Variants in MYO5B observed in about 807,000 individuals in gnomAD.
MYO5B encodes unconventional myosin-Vb.
A neutral mutation model predicts 229.3 loss-of-function variants in MYO5B; 143 were observed. The observed-to-expected ratio is 0.62, with a 90% CI of 0.54 to 0.72. MYO5B has a LOEUF of 0.72. Ranked by LOEUF, MYO5B falls within the 30% of genes least tolerant of loss-of-function variation. MYO5B has a pLI of 0.00. For synonymous variants in MYO5B, 918 were observed against 885.2 expected, an observed-to-expected ratio of 1.04 and a Z score of -0.66; for missense variants, 2,321 against 2,331.0, an observed-to-expected ratio of 1.00 and a Z score of 0.09.
At chr18:50,130,215 C>A (rs1200944749) in intron 1 of MYO5B, among the ~76,000 whole-genome samples, 1 of 152,232 alleles carries the variant, frequency 6.6e-6, no homozygotes, top group African/African-American at 2.4e-5. Context: ...ATTAAAAATA[C>A]ATCAGCCATA....
chr18:49,970,857 T>C (rs1185051765), intron 10 of MYO5B: 1 of 152,190 alleles, frequency 6.6e-6, no homozygotes, highest in East Asian at 1.9e-4. Context: ...AGGGAGGCAA[T>C]GTCTCGTTCT....
intron 8 of MYO5B, among the ~76,000 whole-genome samples, chr18:49,981,931 T>C (rs2025820078): frequency 6.6e-6 from 1 of 152,178 alleles, no homozygotes; most frequent in Non-Finnish European, 1.5e-5. Context: ...TGCACCCTTG[T>C]AGGAGGTAAA....
At chr18:49,834,874 G>A (rs1024836464) in intron 39 of MYO5B, among the ~76,000 whole-genome samples, 2 of 152,120 alleles carry the variant, frequency 1.3e-5, no homozygotes, top group African/African-American at 2.4e-5. Flanking sequence ...TCCTGACCTC[G>A]TGATCCACCC....
Position 49,824,869 on chromosome 18 carries a change from A to G in MYO5B, c.*1602T>C, listed in dbSNP as rs117416432. The G allele has an allele frequency of 1.1e-4, 16 of 152,338 alleles. No individual in the cohort carries two copies. In the East Asian group the frequency reaches 2.9e-3, roughly 28 times the overall value. 9.4% of individuals were successfully genotyped at this position (152,338 alleles called of 1,614,324 possible). On this transcript the variant is annotated 3_prime_UTR_variant, in exon 40 of 40. Transcript: ENST00000285039. The stretch of plus-strand genomic sequence containing the variant: ...GATAATGCCCATGACAACTGATTGG[A>G]ACACAATGTCAGCAGCCTTAACCCA...
chr18:49,916,093 C>T (rs910577150), intron 17 of MYO5B, among the ~76,000 whole-genome samples: 6 of 152,256 alleles, frequency 3.9e-5, no homozygotes, highest in African/African-American at 1.4e-4. Flanking sequence ...TGTCTGAGGG[C>T]ACTGCCCACA....
chr18:49,903,055 T>C (rs556284181), intron 20 of MYO5B, among the ~76,000 whole-genome samples: 1 of 152,336 alleles, frequency 6.6e-6, no homozygotes, highest in East Asian at 1.9e-4. Flanking sequence ...GCTGTCAAAC[T>C]CTTTTCAGCT....
chr18:49,852,663 C>T (rs1371002184), intron 31 of MYO5B, among the ~76,000 whole-genome samples: 2 of 152,118 alleles, frequency 1.3e-5, no homozygotes, highest in Non-Finnish European at 2.9e-5. Flanking sequence ...CACTGCTGAG[C>T]CCCGCCCTCC....
intron 2 of MYO5B, among the ~76,000 whole-genome samples, chr18:50,051,835 GAC>G (rs1472400451): frequency 6.6e-6 from 1 of 152,224 alleles, no homozygotes; most frequent in Admixed American, 6.5e-5. Context: ...CAAACTCAGA[GAC>G]AGAGTAGAAA....
chr18:50,188,785 T>TAAAAAAAA (rs4042094), intron 1 of MYO5B, among the ~76,000 whole-genome samples: 27 of 105,128 alleles, frequency 2.6e-4, no homozygotes, highest in East Asian at 5.6e-4. Flanking sequence ...GACTCTGTCA[T>TAAAAAAAA]AAAAAAAAAA....
At chr18:49,912,353 T>C in intron 17 of MYO5B, among the ~76,000 whole-genome samples, 180 bp from the exon 18 acceptor site, 1 of 152,120 alleles carries the variant, frequency 6.6e-6, no homozygotes, top group East Asian at 1.9e-4. Context: ...AGAATTTCAC[T>C]GTGAATGTGA....
chr18:49,916,776 C>CT (rs982481547), intron 17 of MYO5B, among the ~76,000 whole-genome samples: 3 of 152,124 alleles, frequency 2.0e-5, no homozygotes, highest in African/African-American at 7.2e-5. Context: ...AAAGATGTCG[C>CT]TCCCCGAAGG....
At chr18:49,831,863 A>G (rs1336771490) in intron 39 of MYO5B, among the ~76,000 whole-genome samples, 1 of 152,208 alleles carries the variant, frequency 6.6e-6, no homozygotes, top group Non-Finnish European at 1.5e-5. Flanking sequence ...GTTTCCATCA[A>G]CCAATGAATA....
chr18:49,892,305 G>A (rs921180607), intron 22 of MYO5B, among the ~76,000 whole-genome samples: 24 of 152,166 alleles, frequency 1.6e-4, no homozygotes, highest in Admixed American at 1.3e-4. Flanking sequence ...TAACCTATGC[G>A]ACAGAGCTGC....
At chr18:50,128,613 C>T (rs866553220) in intron 1 of MYO5B, among the ~76,000 whole-genome samples, 1 of 152,296 alleles carries the variant, frequency 6.6e-6, no homozygotes, top group Middle Eastern at 3.4e-3. Flanking sequence ...TCTCACACTC[C>T]CTTGGATTTA....
At chr18:50,066,895 C>A (rs377386280) in intron 1 of MYO5B, among the ~76,000 whole-genome samples, 138 of 152,170 alleles carry the variant, frequency 9.1e-4, no homozygotes, top group African/African-American at 3.1e-3. Flanking sequence ...TGTCAGATAA[C>A]CATAGATCCC....
chr18:49,878,040 A>G (rs550042889), intron 24 of MYO5B, among the ~76,000 whole-genome samples, 158 bp from the exon 25 acceptor site: 1 of 152,342 alleles, frequency 6.6e-6, no homozygotes, highest in South Asian at 2.1e-4. Context: ...AGCTAGCCCT[A>G]TGAAACATTT....
intron 1 of MYO5B, among the ~76,000 whole-genome samples, chr18:50,066,487 A>G (rs1218836644): frequency 2.0e-5 from 3 of 152,224 alleles, no homozygotes; most frequent in African/African-American, 7.2e-5. Context: ...TTTTCATTGC[A>G]TAAGGCAATA....
intron 1 of MYO5B, among the ~76,000 whole-genome samples, chr18:50,108,493 G>A (rs72917893): frequency 0.14 from 20,816 of 152,048 alleles, 1,508 homozygotes; most frequent in East Asian, 0.23. Flanking sequence ...TTTTAACATC[G>A]AATCAGCTGA....
At chr18:49,891,546 A>G (rs2024714869) in intron 22 of MYO5B, among the ~76,000 whole-genome samples, 2 of 152,216 alleles carry the variant, frequency 1.3e-5, no homozygotes, top group Admixed American at 1.3e-4. Flanking sequence ...ATGAAGGACC[A>G]TGAGCTTCTG....
Sources: gnomAD v4.1 joint callset for allele counts (sites outside exome capture counted in the v4.1 genomes callset) on GRCh38, gnomAD v4.1.1 for gene constraint, MANE v1.5 for transcripts, NCBI Gene and HGNC (gene_info 2026-07-23, HGNC 2026-07-21) for gene names.